The following SCGB2B2 variants were observed in gnomAD, a reference collection of about 807,000 sequenced individuals.
SCGB2B2 encodes the protein secretoglobin family 2B member 2.
In SCGB2B2, 11 loss-of-function variants were observed where a neutral mutation model predicts 7.6. The observed-to-expected ratio is 1.45, with a 90% confidence interval of 0.91 to 2.40. SCGB2B2 has a LOEUF of 2.40. SCGB2B2 is among the 30% of genes most tolerant of loss of function. SCGB2B2 has a pLI of 0.00. For missense variants in SCGB2B2, 104 were observed against 115.4 expected (o/e 0.90, Z 0.45); for synonymous variants, 50 against 48.6 (o/e 1.03, Z -0.12).
chr19:34,604,627 T>A (rs1023441006), intron 1 of SCGB2B2, among the ~76,000 whole-genome samples: 4 of 152,242 alleles, frequency 2.6e-5, no homozygotes, highest in African/African-American at 9.6e-5. Flanking sequence ...ATGAAGAGTT[T>A]GTAATCTTTT....
intron 1 of SCGB2B2, among the ~76,000 whole-genome samples, chr19:34,663,565 A>G (rs1330743910): frequency 1.3e-5 from 2 of 152,216 alleles, no homozygotes; most frequent in Non-Finnish European, 2.9e-5. Flanking sequence ...AAAACCACAA[A>G]GTCAGGACAG....
chr19:34,626,967 G>A (rs1218051478), intron 1 of SCGB2B2, among the ~76,000 whole-genome samples: 1 of 152,182 alleles, frequency 6.6e-6, no homozygotes, highest in Non-Finnish European at 1.5e-5. Flanking sequence ...CATTCCTAAA[G>A]AAAAGAATTT....
intron 1 of SCGB2B2, among the ~76,000 whole-genome samples, chr19:34,661,582 A>G (rs372178857): frequency 3.9e-5 from 6 of 152,246 alleles, no homozygotes; most frequent in East Asian, 1.9e-4. Flanking sequence ...GCAGTGCCAC[A>G]CTGGCATAGA....
chr19:34,627,490 T>G (rs2066412099), intron 1 of SCGB2B2, among the ~76,000 whole-genome samples: 1 of 152,112 alleles, frequency 6.6e-6, no homozygotes, highest in Non-Finnish European at 1.5e-5. Context: ...AAACAGACTT[T>G]AAACCAACAA....
At chr19:34,603,195 T>C (rs981675341) in intron 1 of SCGB2B2, among the ~76,000 whole-genome samples, 2 of 152,188 alleles carry the variant, frequency 1.3e-5, no homozygotes, top group East Asian at 3.8e-4. Flanking sequence ...AGAAAAAGCA[T>C]GTTCAGCATT....
At chr19:34,659,503 C>T (rs951936991) in intron 1 of SCGB2B2, among the ~76,000 whole-genome samples, 3 of 152,122 alleles carry the variant, frequency 2.0e-5, no homozygotes, top group Admixed American at 1.3e-4. Context: ...AATAGACAAA[C>T]GGAGAGCCAA....
chr19:34,666,930 G>A (rs73589544), intron 1 of SCGB2B2, among the ~76,000 whole-genome samples: 5,667 of 152,108 alleles, frequency 0.037, 361 homozygotes, highest in African/African-American at 0.13. Flanking sequence ...ACCAGTTTCT[G>A]ACCGAGGACA....
At chr19:34,617,598 GGTTTTCAAGATATACAATCAT>G in intron 1 of SCGB2B2, among the ~76,000 whole-genome samples, 1 of 152,084 alleles carries the variant, frequency 6.6e-6, no homozygotes, top group South Asian at 2.1e-4. Flanking sequence ...GAGACAATGG[GGTTTTCAAGATATACAATCAT>G]GTCATCTGCA....
At chr19:34,663,742 G>A (rs1312087783) in intron 1 of SCGB2B2, among the ~76,000 whole-genome samples, 1 of 152,132 alleles carries the variant, frequency 6.6e-6, no homozygotes, top group Non-Finnish European at 1.5e-5. Context: ...AAGATGAGAG[G>A]CCATGGGAGG....
intron 1 of SCGB2B2, chr19:34,635,111 T>C: frequency 3.6e-6 from 1 of 278,872 alleles, no homozygotes; most frequent in Non-Finnish European, 7.5e-6. Flanking sequence ...TTTGCCCCAG[T>C]GTGAATTCTC....
rs760970728 is a variant in SCGB2B2, at chr19:34,594,262, A to G, written c.159T>C (p.Ser53=). 2 of 1,613,950 alleles carry G rather than the reference A, an allele frequency of 1.2e-6. No homozygotes were observed. Among genetic ancestry groups the G allele is most frequent in the Non-Finnish European group, 1.7e-6 (2 of 1,179,858 alleles). ...LKEELARYNP[S]PLTEESFLNV... is the part of the protein sequence containing the mutation. ...TGAGGAAGGACTCCTCTGTCAGGGG[A>G]CTGGGGTTGTAACGAGCAAGCTCCT... The change falls in exon 3 of 4, where the codon AGT becomes AGC. Residue 53 remains serine (S), a synonymous_variant. Coordinates refer to ENST00000601241, the MANE Select transcript of SCGB2B2 (RefSeq NM_001025591.4).
At chr19:34,667,688 T>C (rs571612914) in intron 1 of SCGB2B2, among the ~76,000 whole-genome samples, 1,970 of 152,190 alleles carry the variant, frequency 0.013, 30 homozygotes, top group South Asian at 0.072. Flanking sequence ...TAATTCTTTC[T>C]TTGCTTTGTT....
chr19:34,600,049 T>C (rs2065580265), intron 1 of SCGB2B2, among the ~76,000 whole-genome samples: 1 of 151,768 alleles, frequency 6.6e-6, no homozygotes, highest in African/African-American at 2.4e-5. Flanking sequence ...TTTTTTTTTA[T>C]TATACTTTGT....
Position 34,595,620 on chromosome 19 carries a change from A to C in SCGB2B2, c.-1057T>G, listed in dbSNP as rs1398820097. The C allele has an allele frequency of 6.6e-6, 1 of 152,292 alleles. No individual in the cohort carries two copies. The highest frequency in any genetic ancestry group is 1.5e-5 in the Non-Finnish European group (1 of 68,048). 9.4% of individuals were successfully genotyped at this position (152,292 alleles called of 1,614,324 possible). A position where few individuals can be genotyped will look rare whatever the true frequency, so the allele number is the denominator to read the frequency against. On this transcript the variant is annotated 5_prime_UTR_variant, in exon 2 of 4. Coordinates refer to ENST00000601241, the MANE Select transcript of SCGB2B2 (RefSeq NM_001025591.4). ...GCATGGGAACATGATGGCAATTAGG[A>C]GGCTTTCCTCCTCAGAGGCCTTTTG...
rs781622999 is a variant in SCGB2B2 at position 34,594,156 on chromosome 19, T to TC, written c.246+18dup. 6.2e-7 allele frequency: 1 copy of TC among 1,603,902 alleles called. No individual in the cohort carries two copies. The highest frequency in any genetic ancestry group is 8.5e-7 in the Non-Finnish European group (1 of 1,171,786). ...CGTGTGGCCATGTAGTGTGTGCAGG[T>TC]CCCCCCGGGCACACTCACAATAACA... is the stretch of plus-strand genomic sequence containing the variant. On this transcript the variant is annotated intron_variant, in intron 3 of 3. Coordinates refer to ENST00000601241, the MANE Select transcript of SCGB2B2 (RefSeq NM_001025591.4).
intron 1 of SCGB2B2, among the ~76,000 whole-genome samples, chr19:34,648,237 T>C (rs528509183): frequency 1.7e-4 from 26 of 152,314 alleles, no homozygotes; most frequent in African/African-American, 6.3e-4. Flanking sequence ...GACAAAAATA[T>C]ATGCTTTCAA....
intron 1 of SCGB2B2, among the ~76,000 whole-genome samples, chr19:34,605,126 T>G (rs893579969): frequency 2.6e-5 from 4 of 152,248 alleles, no homozygotes; most frequent in Non-Finnish European, 4.4e-5. Flanking sequence ...CATGGAATCA[T>G]ACAACATGCA....
chr19:34,607,255 T>C (rs1256227107), intron 1 of SCGB2B2, among the ~76,000 whole-genome samples: 1 of 152,256 alleles, frequency 6.6e-6, no homozygotes, highest in East Asian at 1.9e-4. Flanking sequence ...TAGTATTCCA[T>C]TGTATATTTT....
At chr19:34,623,312 G>A (rs1460511588) in intron 1 of SCGB2B2, among the ~76,000 whole-genome samples, 1 of 152,172 alleles carries the variant, frequency 6.6e-6, no homozygotes, top group Non-Finnish European at 1.5e-5. Context: ...AGAGATCCAG[G>A]CTGCACTCGA....
Sources: allele counts gnomAD v4.1 joint callset (sites outside exome capture counted in the v4.1 genomes callset), GRCh38; gene constraint gnomAD v4.1.1; transcripts MANE v1.5; gene names NCBI Gene and HGNC (gene_info 2026-07-23, HGNC 2026-07-21).